The following CD99 variants were observed in gnomAD, a reference collection of about 807,000 sequenced individuals.
The protein encoded by CD99 is CD99 antigen.
Under a neutral mutation model 28.4 loss-of-function variants are expected in CD99, and 19 were observed. The observed-to-expected ratio is 0.67, with a 90% confidence interval of 0.47 to 0.98. The LOEUF (loss-of-function observed/expected upper bound fraction) is 0.98, where lower values mean the gene tolerates loss of function less well. Among genes scored for constraint, CD99 ranks in the 50% least tolerant of loss-of-function variants. The probability of loss-of-function intolerance (pLI) is 0.00; values close to 1 mark genes in which losing one functional copy is unlikely to be tolerated. For synonymous variants in CD99, 103 were observed against 92.1 expected (o/e 1.12, Z -0.67); for missense variants, 283 against 248.8 (o/e 1.14, Z -0.92).
intron 1 of CD99, among the ~76,000 whole-genome samples, chrX:2,700,544 G>GCATC (rs2047800201): frequency 1.4e-5 from 2 of 147,058 alleles, no homozygotes; most frequent in African/African-American, 2.5e-5. Context: ...ATCCATGCGT[G>GCATC]CATCCATCCA....
chrX:2,728,288 T>C (rs1246756679), intron 8 of CD99, among the ~76,000 whole-genome samples: 1 of 138,882 alleles, frequency 7.2e-6, no homozygotes, highest in Non-Finnish European at 1.5e-5. Context: ...CACTGCAACC[T>C]CCACCTCCCG....
chrX:2,741,191 C>T lies in CD99; in HGVS notation c.*387C>T, dbSNP rs6661. On this transcript the variant is annotated 3_prime_UTR_variant, in exon 10 of 10. Coordinates refer to ENST00000381192, the MANE Select transcript of CD99 (RefSeq NM_002414.5). Reference sequence around the variant, plus strand: ...CGAGCACGTCTGAAACCCCTGGTAGCCCCGACTTCTTTTTAATTAAAATAA... The same window carrying T: ...CGAGCACGTCTGAAACCCCTGGTAGTCCCGACTTCTTTTTAATTAAAATAA... 0.042 allele frequency: 10,180 copies of T among 243,150 alleles called. 267 individuals are homozygous for T. The highest frequency in any genetic ancestry group is 0.059 in the Non-Finnish European group (7,528 of 127,872). 15.1% of individuals were successfully genotyped at this position (243,150 alleles called of 1,614,324 possible).
Position 2,730,029 on chromosome X carries a change from C to G in CD99, c.475+3656C>G, listed in dbSNP as rs370452033. ...ATTAGCTGGGCGTGCTTGCGCCTGCCTGTGGTCCCAACTACTCTGGAGGCC... is the reference window on the plus strand; with the variant it reads ...ATTAGCTGGGCGTGCTTGCGCCTGCGTGTGGTCCCAACTACTCTGGAGGCC... On this transcript the variant is annotated intron_variant, in intron 8 of 9. Coordinates refer to ENST00000381192, the MANE Select transcript of CD99 (RefSeq NM_002414.5). Among the ~76,000 whole-genome samples, 17 of 152,132 alleles carry G rather than the reference C, an allele frequency of 1.1e-4. No homozygotes were observed. In the East Asian group the frequency reaches 2.5e-3, roughly 22 times the overall value.
At chrX:2,704,115 C>T (rs1364002200) in intron 1 of CD99, among the ~76,000 whole-genome samples, 7 of 152,166 alleles carry the variant, frequency 4.6e-5, no homozygotes, top group East Asian at 1.9e-4. Flanking sequence ...CCAGGTCCCT[C>T]GCAGGGCGAT....
chrX:2,714,936 A>G (rs1038599644), intron 2 of CD99: 6 of 154,940 alleles, frequency 3.9e-5, no homozygotes, highest in African/African-American at 1.2e-4. Context: ...TAAATGAACC[A>G]CCCTGGTGGA....
chrX:2,740,053 T>C (rs1377033849), intron 9 of CD99, among the ~76,000 whole-genome samples: 2 of 151,688 alleles, frequency 1.3e-5, no homozygotes, highest in African/African-American at 2.4e-5. Flanking sequence ...GATTGCGCCA[T>C]TGCACTCCAG....
chrX:2,708,016 T>C (rs949972614), intron 1 of CD99, among the ~76,000 whole-genome samples: 2 of 152,104 alleles, frequency 1.3e-5, no homozygotes, highest in African/African-American at 4.8e-5. Context: ...TTTACAGAGA[T>C]TCCTTTACTG....
intron 1 of CD99, among the ~76,000 whole-genome samples, chrX:2,709,066 G>A (rs1355975195): frequency 6.6e-6 from 1 of 152,198 alleles, no homozygotes. Flanking sequence ...GACCAGGGAA[G>A]TCATGTGGAG....
In CD99 at chrX:2,694,364, G is replaced by A. The variant is rs1012428719; in HGVS notation, c.67+2937G>A. Among the ~76,000 whole-genome samples, 28 of 151,938 alleles carry A rather than the reference G, an allele frequency of 1.8e-4. 1 individual carries two copies. The highest frequency in any genetic ancestry group is 6.5e-4 in the African/African-American group (27 of 41,434). On this transcript the variant is annotated intron_variant, in intron 1 of 9. Coordinates refer to ENST00000381192, the MANE Select transcript of CD99 (RefSeq NM_002414.5). ...GGAAGTTATTAGGAGAATGTTTCTG[G>A]GCAGAGGAAGTGGGTTTTATCATCC...
At chrX:2,696,679 T>G (rs1335218698) in intron 1 of CD99, among the ~76,000 whole-genome samples, 1 of 152,154 alleles carries the variant, frequency 6.6e-6, no homozygotes, top group African/African-American at 2.4e-5. Flanking sequence ...TATTCTTTTT[T>G]GATTTATTCC....
chrX:2,694,419 C>T (rs993958061), intron 1 of CD99, among the ~76,000 whole-genome samples: 1 of 151,998 alleles, frequency 6.6e-6, no homozygotes, highest in Non-Finnish European at 1.5e-5. Flanking sequence ...TCCATCAGCG[C>T]GTTTGGCTCT....
chrX:2,729,336 G>A (rs1276199421), intron 8 of CD99, among the ~76,000 whole-genome samples: 1 of 152,082 alleles, frequency 6.6e-6, no homozygotes, highest in Non-Finnish European at 1.5e-5. Context: ...GTATTAGTCC[G>A]TTTTCACACT....
chrX:2,716,606 C>T (rs779107051), intron 2 of CD99, among the ~76,000 whole-genome samples: 1 of 152,344 alleles, frequency 6.6e-6, no homozygotes, highest in South Asian at 2.1e-4. Context: ...ATCCTCCCAC[C>T]TCAGCCTCCC....
intron 8 of CD99, among the ~76,000 whole-genome samples, chrX:2,736,640 A>G (rs1219972691): frequency 3.3e-5 from 5 of 151,650 alleles, no homozygotes; most frequent in Admixed American, 6.6e-5. Flanking sequence ...GGCGGATCAC[A>G]AGGTCAGGAG....
chrX:2,725,017 G>A (rs964281153), intron 7 of CD99, among the ~76,000 whole-genome samples: 19 of 150,042 alleles, frequency 1.3e-4, no homozygotes, highest in African/African-American at 4.4e-4. Flanking sequence ...AGCCGAGATC[G>A]CACCACTGCA....
rs1374291423 is a variant in CD99, at chrX:2,740,863, GCTC to G, written c.*64_*66del. 6.3e-7 allele frequency: 1 copy of G among 1,590,456 alleles called. No homozygotes were observed. Among genetic ancestry groups the G allele is most frequent in the Non-Finnish European group, 8.6e-7 (1 of 1,158,504 alleles). ...AGCAGGGTTAGAACAGCTGCCTGAG[GCTC>G]CTCCCTGAAGGACACCTGCCTGAGA... On this transcript the variant is annotated 3_prime_UTR_variant, in exon 10 of 10. Transcript: ENST00000381192.
intron 1 of CD99, among the ~76,000 whole-genome samples, chrX:2,707,888 T>A (rs190144586): frequency 1.3e-5 from 2 of 152,174 alleles, no homozygotes; most frequent in Admixed American, 6.5e-5. Context: ...TGGGGGTGTC[T>A]GCTGTGAGCC....
At position 2,719,684 on chromosome X, in the gene CD99, G is replaced by A. The variant is rs773012586; in HGVS notation, c.172G>A (p.Ala58Thr). The change falls in exon 4 of 10, where the codon GCT (alanine) becomes ACT (threonine). Residue 58 changes from alanine (A) to threonine (T), a missense_variant. Transcript: ENST00000381192. ...SAGDDFDLGD[A>T]VVDGENDDPR... ...AGGGGATGACTTTGACTTAGGAGAT[G>A]CTGTTGTTGATGGAGAAAATGGTGA... is the stretch of plus-strand genomic sequence containing the variant. The A allele has an allele frequency of 3.7e-6, 6 of 1,613,912 alleles. No homozygotes were observed. The East Asian group carries it at 8.9e-5, about 24-fold the overall frequency.
intron 1 of CD99, among the ~76,000 whole-genome samples, chrX:2,695,930 A>G (rs2047554614): frequency 6.6e-6 from 1 of 152,122 alleles, no homozygotes; most frequent in Non-Finnish European, 1.5e-5. Flanking sequence ...CACCTGAAAA[A>G]TCATTGTAAA....
Sources: gnomAD v4.1 joint callset for allele counts (sites outside exome capture counted in the v4.1 genomes callset) on GRCh38, gnomAD v4.1.1 for gene constraint, MANE v1.5 for transcripts, NCBI Gene and HGNC (gene_info 2026-07-23, HGNC 2026-07-21) for gene names.